The following MGAT4C variants were observed in gnomAD, a reference collection of about 807,000 sequenced individuals.
MGAT4C encodes the protein alpha-1,3-mannosyl-glycoprotein 4-beta-N-acetylglucosaminyltransferase C.
A neutral mutation model predicts 40.1 loss-of-function variants in MGAT4C; 19 were observed. The ratio of observed to expected loss-of-function variants is 0.47; its 90% CI spans 0.33 to 0.70. MGAT4C has a LOEUF of 0.70. Among genes scored for constraint, MGAT4C ranks in the 30% least tolerant of loss-of-function variants. MGAT4C has a pLI of 0.02. For missense variants in MGAT4C, 491 were observed against 563.2 expected (o/e 0.87, Z 1.30); for synonymous variants, 181 against 187.1 (o/e 0.97, Z 0.27).
intron 1 of MGAT4C, among the ~76,000 whole-genome samples, chr12:86,250,701 A>G (rs190320224): frequency 2.0e-5 from 3 of 152,258 alleles, no homozygotes; most frequent in African/African-American, 7.2e-5. Context: ...ATGATATCCC[A>G]TATTATATCA....
chr12:85,991,723 G>A (rs1885964242), intron 2 of MGAT4C, among the ~76,000 whole-genome samples: 1 of 152,184 alleles, frequency 6.6e-6, no homozygotes, highest in Non-Finnish European at 1.5e-5. Flanking sequence ...TGGGCATGGT[G>A]GCTCATGCCT....
At chr12:86,183,924 C>T (rs1449169814) in intron 1 of MGAT4C, among the ~76,000 whole-genome samples, 1 of 152,000 alleles carries the variant, frequency 6.6e-6, no homozygotes. Context: ...TTTGGGGGGA[C>T]AAAATTCCAC....
rs1882976376 is a variant in MGAT4C at position 85,959,078 on chromosome 12, A to AATACC, written c.*20210_*20211insGGTAT. The stretch of plus-strand genomic sequence containing the variant: ...AATACAATACAATACAATACAATAC[A>AATACC]ATACAATACATGTAGACTCAGCATC... On this transcript the variant is annotated 3_prime_UTR_variant, in exon 5 of 5. Coordinates refer to ENST00000611864, the MANE Select transcript of MGAT4C (RefSeq NM_001351288.2). The AATACC allele has an allele frequency of 6.6e-6, 1 of 151,800 alleles. No homozygotes were observed. Among genetic ancestry groups the AATACC allele is most frequent in the Admixed American group, 6.6e-5 (1 of 15,246 alleles). The allele number at this position is 151,800 out of a possible 1,614,324, so 9.4% of individuals were successfully genotyped here.
intron 1 of MGAT4C, among the ~76,000 whole-genome samples, chr12:86,184,932 C>T (rs1248772651): frequency 6.6e-6 from 1 of 152,064 alleles, no homozygotes; most frequent in African/African-American, 2.4e-5. Context: ...GTCAACATAA[C>T]AGAAATAGTT....
intron 1 of MGAT4C, among the ~76,000 whole-genome samples, chr12:86,076,742 GC>G (rs1319595686): frequency 6.6e-6 from 1 of 152,052 alleles, no homozygotes; most frequent in Non-Finnish European, 1.5e-5. Context: ...GAAAAGACCG[GC>G]CCCCATGATT....
rs887360454 is a variant in MGAT4C, at chr12:85,978,315, G to C, written c.*974C>G. ...TGGCCTTGCTAGGAAATAGATCTTT[G>C]ATTCTAGAAAAGTCAACTAATTTCT... On this transcript the variant is annotated 3_prime_UTR_variant, in exon 5 of 5. Coordinates refer to ENST00000611864, the MANE Select transcript of MGAT4C (RefSeq NM_001351288.2). 2 of 151,518 alleles carry C rather than the reference G, an allele frequency of 1.3e-5. No individual in the cohort carries two copies. The highest frequency in any genetic ancestry group is 3.0e-5 in the Non-Finnish European group (2 of 67,598). 9.4% of individuals were successfully genotyped at this position (151,518 alleles called of 1,614,324 possible). A position where few individuals can be genotyped will look rare whatever the true frequency, so the allele number is the denominator to read the frequency against.
At chr12:86,394,072 T>A (rs1450109266) in intron 3 of MGAT4C, among the ~76,000 whole-genome samples, 1 of 152,138 alleles carries the variant, frequency 6.6e-6, no homozygotes, top group East Asian at 1.9e-4. Context: ...CCCAGAATAA[T>A]AATAGCAGAT....
At chr12:86,619,239 G>A (rs958948514) in intron 2 of MGAT4C, among the ~76,000 whole-genome samples, 2 of 152,026 alleles carry the variant, frequency 1.3e-5, no homozygotes, top group Admixed American at 1.3e-4. Context: ...AGATATATAT[G>A]TCTTGTTTTC....
chr12:86,219,152 C>A (rs1325418302), intron 1 of MGAT4C, among the ~76,000 whole-genome samples: 1 of 151,826 alleles, frequency 6.6e-6, no homozygotes, highest in African/African-American at 2.4e-5. Context: ...TGCACTCCAG[C>A]CTGATGACAG....
chr12:86,595,015 T>A (rs1961478030), intron 2 of MGAT4C, among the ~76,000 whole-genome samples: 1 of 152,124 alleles, frequency 6.6e-6, no homozygotes, highest in Non-Finnish European at 1.5e-5. Context: ...ATCATTAAGG[T>A]TATTTCCTTA....
intron 2 of MGAT4C, among the ~76,000 whole-genome samples, chr12:86,668,419 C>T (rs1593096901): frequency 1.3e-5 from 2 of 152,094 alleles, no homozygotes; most frequent in Admixed American, 1.3e-4. Context: ...TTTGGGCAAT[C>T]CACGAGGAGG....
intron 2 of MGAT4C, among the ~76,000 whole-genome samples, chr12:86,606,181 G>C (rs957694355): frequency 2.6e-5 from 4 of 152,000 alleles, no homozygotes; most frequent in Non-Finnish European, 5.9e-5. Context: ...ATTTTTTGAC[G>C]CATGGGGATT....
chr12:86,625,003 A>G (rs1298953894), intron 2 of MGAT4C, among the ~76,000 whole-genome samples: 1 of 152,032 alleles, frequency 6.6e-6, no homozygotes, highest in Non-Finnish European at 1.5e-5. Flanking sequence ...CTGGATCATG[A>G]GGGCGGTTTT....
intron 1 of MGAT4C, among the ~76,000 whole-genome samples, chr12:86,732,646 G>T (rs1425598717): frequency 6.6e-6 from 1 of 152,010 alleles, no homozygotes; most frequent in Admixed American, 6.6e-5. Context: ...GAGCTCAGGT[G>T]GTAATGCATT....
chr12:86,150,514 T>G (rs1884142503), intron 1 of MGAT4C, among the ~76,000 whole-genome samples: 1 of 152,222 alleles, frequency 6.6e-6, no homozygotes, highest in Non-Finnish European at 1.5e-5. Context: ...CAAGCTGAAC[T>G]TTTCCTTTAA....
At chr12:86,277,149 A>G (rs2136113526) in intron 4 of MGAT4C, among the ~76,000 whole-genome samples, 1 of 152,188 alleles carries the variant, frequency 6.6e-6, no homozygotes, top group South Asian at 2.1e-4. Context: ...ATGATATCTC[A>G]TTGTAGTTTT....
intron 4 of MGAT4C, among the ~76,000 whole-genome samples, chr12:86,276,183 A>G (rs141044384): frequency 2.6e-5 from 4 of 152,032 alleles, no homozygotes; most frequent in African/African-American, 9.6e-5. Flanking sequence ...TGATTTTTTT[A>G]CAAGTATAGG....
chr12:86,769,467 G>A (rs1951587589), intron 1 of MGAT4C, among the ~76,000 whole-genome samples: 2 of 152,122 alleles, frequency 1.3e-5, no homozygotes, highest in African/African-American at 4.8e-5. Flanking sequence ...CGATTCCTCA[G>A]GGATCTAGAA....
At chr12:86,450,909 T>C (rs1305027819) in intron 2 of MGAT4C, among the ~76,000 whole-genome samples, 1 of 152,162 alleles carries the variant, frequency 6.6e-6, no homozygotes, top group East Asian at 1.9e-4. Context: ...TGAGTAGATA[T>C]ATTGCAATAG....
Sources: allele counts gnomAD v4.1 joint callset (sites outside exome capture counted in the v4.1 genomes callset), GRCh38; gene constraint gnomAD v4.1.1; transcripts MANE v1.5; gene names NCBI Gene and HGNC (gene_info 2026-07-23, HGNC 2026-07-21).